The following PUM3 variants were observed in gnomAD, a reference collection of about 807,000 sequenced individuals.
The protein encoded by PUM3 is pumilio homolog 3.
In PUM3, 91 loss-of-function variants were observed where a neutral mutation model predicts 84.0. That is an observed-to-expected ratio of 1.08 (90% CI 0.91 to 1.29). The LOEUF (loss-of-function observed/expected upper bound fraction) is 1.29. PUM3 is among the 50% of genes most tolerant of loss of function. The probability of loss-of-function intolerance (pLI) is 0.00; values close to 1 mark genes in which losing one functional copy is unlikely to be tolerated. For missense variants in PUM3, 1,067 were observed against 767.5 expected (o/e 1.39, Z -4.61); for synonymous variants, 321 against 266.7 (o/e 1.20, Z -1.98).
At position 2,824,740 on chromosome 9, in the gene PUM3, A is replaced by C. The variant is rs371181473; in HGVS notation, c.1111T>G (p.Cys371Gly). The C allele has an allele frequency of 5.1e-6, 8 of 1,564,808 alleles. No individual in the cohort carries two copies. The African/African-American group carries it at 9.5e-5, about 18-fold the overall frequency. ...ACCTTGGGCGTGCCATGCCACAGGC[A>C]GTGCATGGCCACTCTGGCGCCATCG... ...THDGARVAMH[C>G]LWHGTPKDRK... The change falls in exon 11 of 18, where the codon TGC becomes GGC. Residue 371 changes from cysteine (C) to glycine (G), a missense_variant. Transcript: ENST00000397885.
chr9:2,830,885 C>A (rs748914634), intron 7 of PUM3, 77 bp downstream of exon 7: 6 of 738,732 alleles, frequency 8.1e-6, no homozygotes, highest in African/African-American at 3.6e-5. Context: ...GACTTCCTAT[C>A]TCGCATCTGA....
At chr9:2,823,963 T>C (rs1385125098) in intron 11 of PUM3, 129 bp from the exon 12 acceptor site, 6 of 520,338 alleles carry the variant, frequency 1.2e-5, no homozygotes, top group African/African-American at 6.0e-5. Context: ...GTAAAAATAA[T>C]AGTTATACAG....
rs766783337 is a variant in PUM3, at chr9:2,827,071, A to T, written c.1035+2T>A. The T allele has an allele frequency of 6.2e-7, 1 of 1,605,524 alleles. No homozygotes were observed. The highest frequency in any genetic ancestry group is 2.2e-5 in the East Asian group (1 of 44,646). ...GTTTAAAAACAAAAACCAAGAACTT[A>T]CTGATCTGAGTTTGGGGGGTGCATA... On this transcript the variant is annotated splice_donor_variant, in intron 10 of 17. Coordinates refer to ENST00000397885, the MANE Select transcript of PUM3 (RefSeq NM_014878.5). LOFTEE classifies it high-confidence loss of function.
intron 1 of PUM3, 45 bp from the exon 2 acceptor site, chr9:2,838,562 T>G: frequency 8.5e-7 from 1 of 1,171,640 alleles, no homozygotes; most frequent in Non-Finnish European, 1.3e-6. Context: ...TGCAGTTCTC[T>G]TCATCAAATA....
intron 17 of PUM3, among the ~76,000 whole-genome samples, chr9:2,805,843 C>G (rs1260619528): frequency 6.6e-6 from 1 of 151,650 alleles, no homozygotes; most frequent in African/African-American, 2.4e-5. Flanking sequence ...GAATAATTTT[C>G]CCAAGGCTAT....
In PUM3 at chr9:2,813,773, C is replaced by T. The variant is rs181601251; in HGVS notation, c.1270-1411G>A. Among the ~76,000 whole-genome samples the T allele has an allele frequency of 2.4e-4, 37 of 152,308 alleles. 1 individual carries two copies. The highest frequency in any genetic ancestry group is 2.2e-3 in the Admixed American group (33 of 15,298). ...TGATGATGCTGCTCCAGGTTCCAAA[C>T]ACCATGTTTCTCTTTTTAAAATCTC... On this transcript the variant is annotated intron_variant, in intron 13 of 17. Transcript: ENST00000397885.
chr9:2,812,416 G>T, intron 13 of PUM3, 54 bp from the exon 14 acceptor site: 1 of 1,211,270 alleles, frequency 8.3e-7, no homozygotes, highest in South Asian at 1.4e-5. Flanking sequence ...TCAAAACAAA[G>T]TACCACAGGA....
In PUM3 at chr9:2,827,283, A is replaced by G. The variant is rs544078815; in HGVS notation, c.957-132T>C. 4.1e-5 allele frequency: 25 copies of G among 604,412 alleles called. No individual in the cohort carries two copies. In the South Asian group the frequency reaches 5.4e-4, roughly 13 times the overall value. 37.4% of individuals were successfully genotyped at this position (604,412 alleles called of 1,614,324 possible). A position where few individuals can be genotyped will look rare whatever the true frequency, so the allele number is the denominator to read the frequency against. On this transcript the variant is annotated intron_variant, in intron 9 of 17. Coordinates refer to ENST00000397885, the MANE Select transcript of PUM3 (RefSeq NM_014878.5). ...TTTACTGAATACAATTTGTCATAAAATAGACTGTATTTTTCAGAAATACTA... is the reference window on the plus strand; with the variant it reads ...TTTACTGAATACAATTTGTCATAAAGTAGACTGTATTTTTCAGAAATACTA...
chr9:2,823,765 G>C lies in PUM3; in HGVS notation c.1188+16C>G, dbSNP rs371467911. 7 of 1,227,218 alleles carry C rather than the reference G, an allele frequency of 5.7e-6. No homozygotes were observed. The highest frequency in any genetic ancestry group is 2.1e-5 in the Admixed American group (1 of 48,630). The allele number at this position is 1,227,218 out of a possible 1,614,324, so 76.0% of individuals were successfully genotyped here. On this transcript the variant is annotated intron_variant, in intron 12 of 17. Coordinates refer to ENST00000397885, the MANE Select transcript of PUM3 (RefSeq NM_014878.5). The stretch of plus-strand genomic sequence containing the variant: ...CTATCAAAAATAATTAGAATATGTA[G>C]TTTTATTATACTTACATTAGCCACC...
chr9:2,830,574 T>A (rs1815949220), intron 7 of PUM3, among the ~76,000 whole-genome samples: 1 of 152,184 alleles, frequency 6.6e-6, no homozygotes, highest in Non-Finnish European at 1.5e-5. Context: ...CATTCACAAA[T>A]CATCCATCAT....
At position 2,834,170 on chromosome 9, in the gene PUM3, G is replaced by C; in HGVS notation, c.305-4C>G. On this transcript the variant is annotated splice_region_variant and splice_polypyrimidine_tract_variant and intron_variant, in intron 3 of 17. Transcript: ENST00000397885. ...TTGGGCTTCTTGGCTGCTGATTCTA[G>C]TTATTATAGAAATTATTTTCAATTA... is the stretch of plus-strand genomic sequence containing the variant. 2 of 1,606,474 alleles carry C rather than the reference G, an allele frequency of 1.2e-6. No homozygotes were observed. Among genetic ancestry groups the C allele is most frequent in the Non-Finnish European group, 1.7e-6 (2 of 1,177,132 alleles).
chr9:2,823,038 T>C (rs1815708335), intron 12 of PUM3, among the ~76,000 whole-genome samples: 1 of 151,866 alleles, frequency 6.6e-6, no homozygotes, highest in Non-Finnish European at 1.5e-5. Context: ...AGTTGATTAC[T>C]ACATAATTTT....
chr9:2,824,573 T>G (rs1815755000), intron 11 of PUM3, 144 bp downstream of exon 11: 1 of 431,468 alleles, frequency 2.3e-6, no homozygotes, highest in African/African-American at 2.0e-5. Flanking sequence ...CCCATCAGGC[T>G]CTAAGGCACA....
In PUM3 at chr9:2,812,269, C is replaced by T; in HGVS notation, c.1363G>A (p.Val455Ile). ...TGCAGAACTTCAATGATTTCTCGTACTGTATGTGCAGGATCTCTGGGGCTT... is the reference window on the plus strand; with the variant it reads ...TGCAGAACTTCAATGATTTCTCGTATTGTATGTGCAGGATCTCTGGGGCTT... ...LLSPRDPAHT[V>I]REIIEVLQKG... The change falls in exon 14 of 18, where the codon GTA (valine) becomes ATA (isoleucine). Residue 455 changes from valine (V) to isoleucine (I), a missense_variant. Coordinates refer to ENST00000397885, the MANE Select transcript of PUM3 (RefSeq NM_014878.5). 3 of 1,613,410 alleles carry T rather than the reference C, an allele frequency of 1.9e-6. No individual in the cohort carries two copies. Among genetic ancestry groups the T allele is most frequent in the Non-Finnish European group, 2.5e-6 (3 of 1,179,434 alleles).
At chr9:2,830,700 C>T (rs1302761077) in intron 7 of PUM3, among the ~76,000 whole-genome samples, 8 of 152,106 alleles carry the variant, frequency 5.3e-5, no homozygotes, top group African/African-American at 1.9e-4. Flanking sequence ...GGGTATACCT[C>T]CATCAAAGTC....
At chr9:2,836,552 C>T (rs1337863313) in intron 3 of PUM3, among the ~76,000 whole-genome samples, 5 of 152,182 alleles carry the variant, frequency 3.3e-5, no homozygotes, top group Admixed American at 1.3e-4. Flanking sequence ...CAGTGAGCAA[C>T]TTGTCCTGAA....
chr9:2,843,353 G>C (rs1269025082), intron 1 of PUM3, among the ~76,000 whole-genome samples: 1 of 151,970 alleles, frequency 6.6e-6, no homozygotes, highest in Non-Finnish European at 1.5e-5. Flanking sequence ...CACTTCTTCA[G>C]ACTCCACTAT....
At chr9:2,835,782 T>G (rs1243521572) in intron 3 of PUM3, among the ~76,000 whole-genome samples, 1 of 152,216 alleles carries the variant, frequency 6.6e-6, no homozygotes, top group Non-Finnish European at 1.5e-5. Flanking sequence ...CATGTTATTT[T>G]ATCAGTCTAG....
chr9:2,811,321 C>T (rs1484444656), intron 15 of PUM3, 40 bp downstream of exon 15: 1 of 1,594,666 alleles, frequency 6.3e-7, no homozygotes, highest in Non-Finnish European at 8.6e-7. Flanking sequence ...GTTTTTGTGG[C>T]CTTTGCAGCT....
Sources: allele counts gnomAD v4.1 joint callset (sites outside exome capture counted in the v4.1 genomes callset), GRCh38; gene constraint gnomAD v4.1.1; transcripts MANE v1.5; gene names NCBI Gene and HGNC (gene_info 2026-07-23, HGNC 2026-07-21).